DAAM2: variants seen among roughly 807,000 people sequenced by gnomAD.
DAAM2 encodes dishevelled associated activator of morphogenesis 2, also known as disheveled-associated activator of morphogenesis 2.
In DAAM2, 39 loss-of-function variants were observed where a neutral mutation model predicts 120.7. That is an observed-to-expected ratio of 0.32 (90% confidence interval 0.25 to 0.42). The LOEUF (loss-of-function observed/expected upper bound fraction) is 0.42. DAAM2 is among the 10% of genes least tolerant of loss of function. DAAM2 has a pLI of 1.00. For synonymous variants in DAAM2, 488 were observed against 524.9 expected (o/e 0.93, Z 0.96); for missense variants, 1,283 against 1,401.7 (o/e 0.92, Z 1.35).
chr6:39,846,387 G>A (rs1763591668), intron 1 of DAAM2, among the ~76,000 whole-genome samples: 1 of 152,186 alleles, frequency 6.6e-6, no homozygotes, highest in South Asian at 2.1e-4. Flanking sequence ...TAGTGATGGG[G>A]TAGAAGAAAC....
At chr6:39,892,076 T>C (rs761794011) in intron 19 of DAAM2, among the ~76,000 whole-genome samples, 3 of 152,112 alleles carry the variant, frequency 2.0e-5, no homozygotes, top group Non-Finnish European at 4.4e-5. Flanking sequence ...GTCTTTACTC[T>C]ACTTAAGAGG....
chr6:39,806,607 A>G (rs574786672), intron 1 of DAAM2, among the ~76,000 whole-genome samples: 1 of 152,122 alleles, frequency 6.6e-6, no homozygotes, highest in Non-Finnish European at 1.5e-5. Flanking sequence ...CAGGATGCAA[A>G]AGGGAGTCTT....
chr6:39,882,602 T>C (rs1765171601), intron 14 of DAAM2, among the ~76,000 whole-genome samples: 1 of 152,030 alleles, frequency 6.6e-6, no homozygotes, highest in East Asian at 1.9e-4. Context: ...CTGCCTTCCC[T>C]GATTCCATTC....
chr6:39,888,801 A>AG, intron 17 of DAAM2, 38 bp downstream of exon 17: 2 of 1,554,480 alleles, frequency 1.3e-6, no homozygotes, highest in Non-Finnish European at 8.8e-7. Flanking sequence ...AACTGAACCC[A>AG]GCGGGCAGCC....
At chr6:39,881,589 C>A (rs578203973) in intron 14 of DAAM2, among the ~76,000 whole-genome samples, 1 of 152,034 alleles carries the variant, frequency 6.6e-6, no homozygotes, top group Non-Finnish European at 1.5e-5. Context: ...TGGTGGCGCA[C>A]GCCTGTAATC....
At chr6:39,854,588 G>T (rs531838740) in intron 1 of DAAM2, among the ~76,000 whole-genome samples, 2 of 152,208 alleles carry the variant, frequency 1.3e-5, no homozygotes, top group African/African-American at 4.8e-5. Context: ...TGTATGAGAG[G>T]CCAGATGAGA....
At chr6:39,835,226 G>A (rs1763059332) in intron 1 of DAAM2, among the ~76,000 whole-genome samples, 1 of 152,252 alleles carries the variant, frequency 6.6e-6, no homozygotes, top group Admixed American at 6.5e-5. Flanking sequence ...GGTAGTGACT[G>A]AAGATGGCAT....
At chr6:39,869,287 T>A (rs751140856) in intron 7 of DAAM2, among the ~76,000 whole-genome samples, 1 of 152,076 alleles carries the variant, frequency 6.6e-6, no homozygotes, top group Non-Finnish European at 1.5e-5. Flanking sequence ...ATTCTTGAAG[T>A]ATAAAAATAG....
chr6:39,901,033 C>A lies in DAAM2; in HGVS notation c.2812-269C>A, dbSNP rs1766446244. On this transcript the variant is annotated intron_variant, in intron 23 of 24. Coordinates refer to ENST00000274867, the MANE Select transcript of DAAM2 (RefSeq NM_001201427.2). The surrounding 1 kb of genome is among the most constrained non-coding windows in gnomAD (Gnocchi z 4.5). ...CAGGAAGGGCTTCCCAAGGTCTATA[C>A]CCCTGACCTCATGCCTACCCCTTAC... Among the ~76,000 whole-genome samples the A allele has an allele frequency of 6.6e-6, 1 of 152,132 alleles. No individual in the cohort carries two copies. The highest frequency in any genetic ancestry group is 1.5e-5 in the Non-Finnish European group (1 of 68,016).
At chr6:39,877,283 G>C (rs996987926) in intron 11 of DAAM2, among the ~76,000 whole-genome samples, 1 of 152,140 alleles carries the variant, frequency 6.6e-6, no homozygotes, top group Non-Finnish European at 1.5e-5. Context: ...GTGCTGGCAG[G>C]GCCCCACACA....
At chr6:39,882,268 A>G (rs944770740) in intron 14 of DAAM2, 2 of 152,138 alleles carry the variant, frequency 1.3e-5, no homozygotes, top group Non-Finnish European at 2.9e-5. Flanking sequence ...GACCTCAGTT[A>G]TACCTCCTCG....
chr6:39,868,858 G>T lies in DAAM2; in HGVS notation c.798G>T (p.Arg266=). 6.3e-7 allele frequency: 1 copy of T among 1,587,656 alleles called. No individual in the cohort carries two copies. Among genetic ancestry groups the T allele is most frequent in the Non-Finnish European group, 8.6e-7 (1 of 1,166,954 alleles). ...ACGAGCTAGACCGAAGTCTGGGCCG[G>T]TACCGGGATGAAGTGAATCTGAAAA... ...LLNELDRSLG[R]YRDEVNLKTA... The change falls in exon 7 of 25, where the codon CGG becomes CGT. Residue 266 remains arginine, a synonymous_variant. Coordinates refer to ENST00000274867, the MANE Select transcript of DAAM2 (RefSeq NM_001201427.2).
intron 1 of DAAM2, chr6:39,821,985 T>C (rs1389703960): frequency 6.6e-6 from 1 of 152,408 alleles, no homozygotes; most frequent in African/African-American, 2.4e-5. Context: ...CAGCTGCCCA[T>C]GAGCAGCAGC....
chr6:39,829,969 T>C (rs1269478101), intron 1 of DAAM2, among the ~76,000 whole-genome samples: 7 of 152,200 alleles, frequency 4.6e-5, no homozygotes, highest in Non-Finnish European at 1.5e-5. Context: ...TTCCCCACGC[T>C]GAGTTAGAGA....
At chr6:39,853,612 A>G (rs549172999) in intron 1 of DAAM2, among the ~76,000 whole-genome samples, 1 of 152,312 alleles carries the variant, frequency 6.6e-6, no homozygotes, top group African/African-American at 2.4e-5. Flanking sequence ...CACCAGCTAT[A>G]TGCCACCCCT....
intron 1 of DAAM2, among the ~76,000 whole-genome samples, chr6:39,814,861 T>A (rs1307894034): frequency 6.6e-6 from 1 of 152,228 alleles, no homozygotes; most frequent in Non-Finnish European, 1.5e-5. Flanking sequence ...TGAATTCCAC[T>A]GGATACTCAT....
Position 39,864,985 on chromosome 6 carries a change from G to T in DAAM2, c.339G>T (p.Gln113His), listed in dbSNP as rs1470103599. Reference sequence around the variant, plus strand: ...TTCTACCTGCTGGCCCTCAGATGCAGAGTCTGTACGCGTTTGATGAGGAGG... The same window carrying T: ...TTCTACCTGCTGGCCCTCAGATGCATAGTCTGTACGCGTTTGATGAGGAGG... ...IDRINSMAAMQSLYAFDEEET... is the reference protein window; with the variant it reads ...IDRINSMAAMHSLYAFDEEET... The change falls in exon 5 of 25, where the codon CAG (glutamine) becomes CAT (histidine). Residue 113 changes from glutamine to histidine, a missense_variant. By Grantham distance (24) the Gln-to-His change is conservative (BLOSUM62 0). This residue lies in a region of DAAM2 where 197 missense variants were observed against 189.3 expected (regional missense o/e 1.04). Transcript: ENST00000274867. The T allele has an allele frequency of 1.4e-5, 22 of 1,602,538 alleles. No homozygotes were observed. The highest frequency in any genetic ancestry group is 1.9e-5 in the Non-Finnish European group (22 of 1,174,862).
At position 39,883,970 on chromosome 6, in the gene DAAM2, C is replaced by T. The variant is rs1228307595; in HGVS notation, c.1854C>T (p.Val618=). 4 of 1,611,920 alleles carry T rather than the reference C, an allele frequency of 2.5e-6. No individual in the cohort carries two copies. Among genetic ancestry groups the T allele is most frequent in the South Asian group, 1.1e-5 (1 of 90,842 alleles). Residue 618 remains valine (V), a synonymous_variant, in exon 15 of 25, where the codon GTC becomes GTT. Coordinates refer to ENST00000274867, the MANE Select transcript of DAAM2 (RefSeq NM_001201427.2). ...FNWVKLNEER[V]PGTVWNEIDD... is the part of the protein sequence containing the mutation. ...CCTACCCTGAATTTTAGGAGCGTGT[C>T]CCTGGCACCGTATGGAATGAGATTG... is the stretch of plus-strand genomic sequence containing the variant.
At position 39,901,569 on chromosome 6, in the gene DAAM2, A is replaced by C. The variant is rs1419037499; in HGVS notation, c.2982+97A>C. On this transcript the variant is annotated intron_variant, in intron 24 of 24. Coordinates refer to ENST00000274867, the MANE Select transcript of DAAM2 (RefSeq NM_001201427.2). The surrounding 1 kb of genome is among the most constrained non-coding windows in gnomAD (Gnocchi z 4.5). ...GTGTGTGGGAGGAGGGCAGAGACTG[A>C]GGAACTGAGGAACACCATAGGGGTT... 7.7e-7 allele frequency: 1 copy of C among 1,305,744 alleles called. No individual in the cohort carries two copies. The highest frequency in any genetic ancestry group is 1.0e-6 in the Non-Finnish European group (1 of 958,864). The allele number at this position is 1,305,744 out of a possible 1,614,324, so 80.9% of individuals were successfully genotyped here. A position where few individuals can be genotyped will look rare whatever the true frequency, so the allele number is the denominator to read the frequency against.
Sources: allele counts gnomAD v4.1 joint callset (sites outside exome capture counted in the v4.1 genomes callset), GRCh38; gene constraint gnomAD v4.1.1; regional missense constraint gnomAD v4.1.1; non-coding constraint Gnocchi (gnomAD v3.1); transcripts MANE v1.5; gene names NCBI Gene and HGNC (gene_info 2026-07-23, HGNC 2026-07-21).